Variants in SEMA5A observed in about 807,000 individuals in gnomAD.
SEMA5A encodes the protein semaphorin 5A.
SEMA5A carries 55 observed loss-of-function variants against 135.5 expected under a neutral mutation model. The ratio of observed to expected loss-of-function variants is 0.41; its 90% CI spans 0.33 to 0.51. SEMA5A has a LOEUF of 0.51. SEMA5A is among the 20% of genes least tolerant of loss of function. The pLI, the probability that SEMA5A is intolerant of heterozygous loss-of-function variation, is 0.37. For synonymous variants in SEMA5A, 580 were observed against 546.5 expected (o/e 1.06, Z -0.85); for missense variants, 1,290 against 1,419.9 (o/e 0.91, Z 1.47).
In SEMA5A at chr5:9,038,811, C is replaced by T. The variant is rs1232293703; in HGVS notation, c.*4086G>A. On this transcript the variant is annotated 3_prime_UTR_variant, in exon 23 of 23. Coordinates refer to ENST00000382496, the MANE Select transcript of SEMA5A (RefSeq NM_003966.3). Reference sequence around the variant, plus strand: ...TGATGTGATCTCAGCTCACTGCAACCTCAACCTCCTGGCTCAAATGATACT... The same window carrying T: ...TGATGTGATCTCAGCTCACTGCAACTTCAACCTCCTGGCTCAAATGATACT... 2.7e-5 allele frequency: 4 copies of T among 150,504 alleles called. No homozygotes were observed. Among genetic ancestry groups the T allele is most frequent in the African/African-American group, 7.3e-5 (3 of 40,906 alleles). 9.3% of individuals were successfully genotyped at this position (150,504 alleles called of 1,614,324 possible).
chr5:9,363,660 C>A (rs16882563), intron 3 of SEMA5A, among the ~76,000 whole-genome samples: 1 of 152,086 alleles, frequency 6.6e-6, no homozygotes, highest in Non-Finnish European at 1.5e-5. Flanking sequence ...TGATATCAAC[C>A]GAAGCTCCAC....
intron 10 of SEMA5A, among the ~76,000 whole-genome samples, chr5:9,192,375 G>C (rs40697): frequency 6.6e-6 from 1 of 152,094 alleles, no homozygotes; most frequent in Non-Finnish European, 1.5e-5. Context: ...AAATTAACTG[G>C]AAGTCCTTAT....
At chr5:9,175,268 T>C (rs1744142090) in intron 11 of SEMA5A, among the ~76,000 whole-genome samples, 2 of 152,114 alleles carry the variant, frequency 1.3e-5, no homozygotes, top group South Asian at 2.1e-4. Context: ...TCAGTGGTCC[T>C]TGAATAACTG....
At chr5:9,229,804 G>A (rs40662) in intron 6 of SEMA5A, among the ~76,000 whole-genome samples, 11,730 of 151,756 alleles carry the variant, frequency 0.077, 588 homozygotes, top group East Asian at 0.22. Context: ...TGTTCCAGGA[G>A]AATCATCTGG....
chr5:9,505,649 C>T (rs1735840513), intron 1 of SEMA5A, among the ~76,000 whole-genome samples: 1 of 152,204 alleles, frequency 6.6e-6, no homozygotes, highest in Admixed American at 6.5e-5. Flanking sequence ...AACATAGTCA[C>T]CCCAGGACTC....
At chr5:9,219,657 G>A (rs1746822507) in intron 8 of SEMA5A, among the ~76,000 whole-genome samples, 1 of 152,174 alleles carries the variant, frequency 6.6e-6, no homozygotes, top group African/African-American at 2.4e-5. Flanking sequence ...AGAGGCCTCA[G>A]GAGACACCAA....
In SEMA5A at chr5:9,037,814, T is replaced by A. The variant is rs947268994; in HGVS notation, c.*5083A>T. 1.3e-5 allele frequency: 2 copies of A among 152,190 alleles called. No individual in the cohort carries two copies. The highest frequency in any genetic ancestry group is 4.8e-5 in the African/African-American group (2 of 41,452). The allele number at this position is 152,190 out of a possible 1,614,324, so 9.4% of individuals were successfully genotyped here. On this transcript the variant is annotated 3_prime_UTR_variant, in exon 23 of 23. Transcript: ENST00000382496. The stretch of plus-strand genomic sequence containing the variant: ...TGTTTGTAGAGTTTAAAAAAAAATC[T>A]TTAAATCCATTATAATTAATGACCT...
At chr5:9,205,373 A>T (rs539938034) in intron 8 of SEMA5A, among the ~76,000 whole-genome samples, 1 of 152,312 alleles carries the variant, frequency 6.6e-6, no homozygotes, top group African/African-American at 2.4e-5. Flanking sequence ...CTTATTAAAC[A>T]AGAACATTGT....
chr5:9,278,412 AT>A (rs1485029949), intron 5 of SEMA5A, among the ~76,000 whole-genome samples: 16 of 152,370 alleles, frequency 1.1e-4, no homozygotes, highest in African/African-American at 3.4e-4. Context: ...AAAGCAAAGC[AT>A]AAAAGTTTGG....
At chr5:9,496,237 G>A (rs1735295498) in intron 1 of SEMA5A, among the ~76,000 whole-genome samples, 1 of 152,066 alleles carries the variant, frequency 6.6e-6, no homozygotes, top group Admixed American at 6.6e-5. Flanking sequence ...TAGAGATGGG[G>A]TTTCACCATG....
At chr5:9,117,752 TA>T (rs1403005131) in intron 15 of SEMA5A, among the ~76,000 whole-genome samples, 1 of 152,196 alleles carries the variant, frequency 6.6e-6, no homozygotes, top group Non-Finnish European at 1.5e-5. Flanking sequence ...TCATAGCATT[TA>T]AAAACTTCCA....
chr5:9,383,233 A>G (rs1005389043), intron 2 of SEMA5A, among the ~76,000 whole-genome samples: 1 of 152,280 alleles, frequency 6.6e-6, no homozygotes, highest in Non-Finnish European at 1.5e-5. Context: ...GAAGTAGCCT[A>G]TCTTTTCTGA....
At chr5:9,043,283 AAAATCT>A (rs950888420) in intron 22 of SEMA5A, 5 of 332,480 alleles carry the variant, frequency 1.5e-5, no homozygotes, top group Non-Finnish European at 2.7e-5. Flanking sequence ...AGGAGGTAAG[AAAATCT>A]AAATCTAAAT....
chr5:9,060,552 A>G (rs1225521026), intron 18 of SEMA5A, among the ~76,000 whole-genome samples: 1 of 151,930 alleles, frequency 6.6e-6, no homozygotes, highest in African/African-American at 2.4e-5. Context: ...CCAGAGGAGG[A>G]CTCCTTTTAC....
At chr5:9,333,902 A>G (rs1158833255) in intron 4 of SEMA5A, among the ~76,000 whole-genome samples, 1 of 152,136 alleles carries the variant, frequency 6.6e-6, no homozygotes, top group African/African-American at 2.4e-5. Flanking sequence ...AAATATTATT[A>G]ACTTTTAAAG....
intron 1 of SEMA5A, among the ~76,000 whole-genome samples, chr5:9,496,879 A>G (rs1202177747): frequency 6.6e-6 from 1 of 152,182 alleles, no homozygotes; most frequent in African/African-American, 2.4e-5. Flanking sequence ...AAAACCACAC[A>G]CACAACCTGC....
intron 6 of SEMA5A, among the ~76,000 whole-genome samples, chr5:9,229,431 C>T (rs371215732): frequency 2.6e-5 from 4 of 152,108 alleles, no homozygotes; most frequent in African/African-American, 9.6e-5. Flanking sequence ...CTGAAGAGAA[C>T]ACAGGAGGGC....
At chr5:9,110,885 C>T (rs146102847) in intron 15 of SEMA5A, among the ~76,000 whole-genome samples, 21 of 152,134 alleles carry the variant, frequency 1.4e-4, no homozygotes, top group African/African-American at 4.3e-4. Context: ...CATTCCTACA[C>T]GTAGTAGGGG....
intron 1 of SEMA5A, among the ~76,000 whole-genome samples, chr5:9,542,492 G>A (rs766128054): frequency 1.3e-5 from 2 of 152,186 alleles, no homozygotes; most frequent in African/African-American, 2.4e-5. Context: ...GAGCAGAAAT[G>A]TACAATGCTT....
Sources: gnomAD v4.1 joint callset for allele counts (sites outside exome capture counted in the v4.1 genomes callset) on GRCh38, gnomAD v4.1.1 for gene constraint, MANE v1.5 for transcripts, NCBI Gene and HGNC (gene_info 2026-07-23, HGNC 2026-07-21) for gene names.